The following MCF2L variants were observed in gnomAD, a reference collection of about 807,000 sequenced individuals.
MCF2L encodes the protein MCF.2 cell line derived transforming sequence like, also known as guanine nucleotide exchange factor DBS.
MCF2L carries 97 observed loss-of-function variants against 153.4 expected under a neutral mutation model. That is an observed-to-expected ratio of 0.63 (90% confidence interval 0.54 to 0.75). The LOEUF is 0.75. MCF2L is among the 30% of genes least tolerant of loss of function. MCF2L has a pLI of 0.00. For synonymous variants in MCF2L, 659 were observed against 632.2 expected (o/e 1.04, Z -0.64); for missense variants, 1,347 against 1,495.2 (o/e 0.90, Z 1.64).
At chr13:112,970,801 G>T (rs1334772138) in intron 1 of MCF2L, among the ~76,000 whole-genome samples, 2 of 152,102 alleles carry the variant, frequency 1.3e-5, no homozygotes, top group African/African-American at 4.8e-5. Context: ...TTGGAAAAAG[G>T]CTATCTCAGA....
At position 113,028,839 on chromosome 13, in the gene MCF2L, G is replaced by C. The variant is rs1268961654; in HGVS notation, c.278+4081G>C. ...TGTGAGCCTGTGGTGTGTGTGGGGT[G>C]AGTGTGTGGTGTGTGTGGCGTGTGC... On this transcript the variant is annotated intron_variant, in intron 3 of 29. Transcript: ENST00000535094. The surrounding 1 kb of genome is among the most constrained non-coding windows in gnomAD (Gnocchi z 5.4). Among the ~76,000 whole-genome samples, 1 of 151,700 alleles carries C rather than the reference G, an allele frequency of 6.6e-6. No individual in the cohort carries two copies. Among genetic ancestry groups the C allele is most frequent in the Non-Finnish European group, 1.5e-5 (1 of 67,888 alleles).
chr13:113,087,524 C>A, intron 22 of MCF2L, 68 bp downstream of exon 22: 2 of 1,374,078 alleles, frequency 1.5e-6, no homozygotes, highest in Non-Finnish European at 2.0e-6. Flanking sequence ...GTCTGTAACT[C>A]GGTCTGAGGT....
intron 1 of MCF2L, among the ~76,000 whole-genome samples, chr13:112,976,083 C>G (rs75065279): frequency 3.4e-3 from 511 of 151,992 alleles, no homozygotes; most frequent in East Asian, 0.025. Flanking sequence ...ATTGTTCCTT[C>G]TAAATTATGG....
intron 9 of MCF2L, among the ~76,000 whole-genome samples, chr13:113,071,927 T>C (rs974535992): frequency 1.3e-5 from 2 of 152,214 alleles, no homozygotes; most frequent in Non-Finnish European, 2.9e-5. Flanking sequence ...TTCATAGGAG[T>C]TGTGTTAAAC....
intron 16 of MCF2L, 86 bp downstream of exon 16, chr13:113,081,365 A>G: frequency 7.6e-7 from 1 of 1,314,974 alleles, no homozygotes; most frequent in Non-Finnish European, 1.0e-6. Flanking sequence ...TGCTGCTCGG[A>G]GCAGCCTGCT....
rs72104689 is a variant in MCF2L at position 112,972,359 on chromosome 13, G to GTGGATGGA, written c.79+2927_79+2934dup. 1.0e-2 allele frequency among the ~76,000 whole-genome samples: 1,369 copies of GTGGATGGA among 137,352 alleles called. 29 individuals are homozygous for GTGGATGGA. The highest frequency in any genetic ancestry group is 0.035 in the African/African-American group (1,245 of 35,328). The allele number at this position is 137,352 out of a possible 152,430, so 90.1% of individuals were successfully genotyped here. On this transcript the variant is annotated intron_variant, in intron 1 of 29. Coordinates refer to ENST00000535094, the MANE Select transcript of MCF2L (RefSeq NM_001112732.3). ...GATGGATGGATGGATGTGTAAGTGG[G>GTGGATGGA]TGGATGGATGGATGGATGGATGGAT...
chr13:113,057,986 G>A (rs369600107), intron 4 of MCF2L, among the ~76,000 whole-genome samples: 17 of 143,786 alleles, frequency 1.2e-4, no homozygotes, highest in East Asian at 4.4e-4. Context: ...GCTGAGTGTT[G>A]GGTGCTGAGT....
chr13:112,898,890 T>A (rs2081093423), intron 1 of MCF2L, among the ~76,000 whole-genome samples: 1 of 152,148 alleles, frequency 6.6e-6, no homozygotes, highest in Non-Finnish European at 1.5e-5. Flanking sequence ...GCCTGACTTC[T>A]CGCCACCTGC....
At chr13:112,972,642 G>C (rs1363888170) in intron 1 of MCF2L, among the ~76,000 whole-genome samples, 1 of 146,288 alleles carries the variant, frequency 6.8e-6, no homozygotes, top group Non-Finnish European at 1.5e-5. Flanking sequence ...GAATGAGTTG[G>C]TAGATAGATG....
Position 113,027,155 on chromosome 13 carries a change from A to G in MCF2L, c.278+2397A>G, listed in dbSNP as rs1209360885. 16 of 679,654 alleles carry G rather than the reference A, an allele frequency of 2.4e-5. No individual in the cohort carries two copies. The East Asian group carries it at 4.1e-4, about 17-fold the overall frequency. The allele number at this position is 679,654 out of a possible 1,614,324, so 42.1% of individuals were successfully genotyped here. The stretch of plus-strand genomic sequence containing the variant: ...TCAGCGTGAAAGTGCAGCCGTGGCC[A>G]TTACCGTGAAGGTTCTTCATTCTTC... On this transcript the variant is annotated intron_variant, in intron 3 of 29. Transcript: ENST00000535094. This position sits in a 1 kb window ranked among gnomAD's most constrained non-coding sequence, Gnocchi z 4.8.
At chr13:113,009,010 C>CGAAGCTCTGGAGA (rs2083903457) in intron 1 of MCF2L, 1 of 151,480 alleles carries the variant, frequency 6.6e-6, no homozygotes, top group Non-Finnish European at 1.5e-5. Flanking sequence ...GAGCGGAGAG[C>CGAAGCTCTGGAGA]GAAGCTCTGG....
chr13:112,979,357 C>T lies in MCF2L; in HGVS notation c.79+9899C>T, dbSNP rs1448454960. ...AGGCCCAGCGGCTGGGTTTCTCTAG[C>T]ACCTCGGCATTGTCTGCCTGCTCTT... On this transcript the variant is annotated intron_variant, in intron 1 of 29. Coordinates refer to ENST00000535094, the MANE Select transcript of MCF2L (RefSeq NM_001112732.3). 4 of 1,306,286 alleles carry T rather than the reference C, an allele frequency of 3.1e-6. No individual in the cohort carries two copies. In the East Asian group the frequency reaches 1.5e-4, roughly 48 times the overall value. The allele number at this position is 1,306,286 out of a possible 1,614,324, so 80.9% of individuals were successfully genotyped here.
Position 113,024,650 on chromosome 13 carries a change from G to T in MCF2L, c.170G>T (p.Arg57Leu). The change falls in exon 3 of 30, where the codon CGG (arginine) becomes CTG (leucine). Residue 57 changes from arginine (R) to leucine (L), a missense_variant. By Grantham distance (102) the Arg-to-Leu change is moderately radical (BLOSUM62 -2). Coordinates refer to ENST00000535094, the MANE Select transcript of MCF2L (RefSeq NM_001112732.3). ...GCCTCTGGTCTCTCCCCAGGTGGGC[G>T]GGGGCAGGACGGAAGCCCGGTTATC... ...KKRFAYLSGG[R>L]GQDGSPVITF... 6.2e-7 allele frequency: 1 copy of T among 1,611,928 alleles called. No individual in the cohort carries two copies. The highest frequency in any genetic ancestry group is 8.5e-7 in the Non-Finnish European group (1 of 1,178,162).
chr13:113,013,146 C>A (rs570156156), intron 1 of MCF2L, among the ~76,000 whole-genome samples: 1 of 152,182 alleles, frequency 6.6e-6, no homozygotes, highest in Non-Finnish European at 1.5e-5. Flanking sequence ...AGGCTGCCGT[C>A]GGCTGCACCA....
At chr13:113,021,889 C>T (rs1003097786) in intron 2 of MCF2L, among the ~76,000 whole-genome samples, 1 of 152,194 alleles carries the variant, frequency 6.6e-6, no homozygotes, top group Non-Finnish European at 1.5e-5. Context: ...TCAGAGATAC[C>T]CAGGGTAGCA....
At chr13:113,007,920 T>C (rs1238238720) in intron 1 of MCF2L, among the ~76,000 whole-genome samples, 2 of 146,738 alleles carry the variant, frequency 1.4e-5, no homozygotes, top group African/African-American at 5.1e-5. Context: ...CTTTTTCTTT[T>C]TTTTTTTTTT....
At chr13:113,080,871 C>T (rs1046935964) in intron 15 of MCF2L, among the ~76,000 whole-genome samples, 1 of 152,174 alleles carries the variant, frequency 6.6e-6, no homozygotes, top group African/African-American at 2.4e-5. Flanking sequence ...ATGACTTGCC[C>T]ATGAGCGTGA....
intron 1 of MCF2L, among the ~76,000 whole-genome samples, chr13:112,994,749 G>A (rs750104771): frequency 2.0e-5 from 3 of 152,182 alleles, no homozygotes; most frequent in Admixed American, 6.5e-5. Context: ...TCGCCGCTGC[G>A]GGCAGGACAT....
chr13:112,995,612 A>AC (rs1346931936), intron 1 of MCF2L, among the ~76,000 whole-genome samples: 2 of 150,966 alleles, frequency 1.3e-5, no homozygotes, highest in African/African-American at 4.9e-5. Context: ...GCCTGAAGTC[A>AC]CCCCCGGGAT....
Sources: allele counts gnomAD v4.1 joint callset (sites outside exome capture counted in the v4.1 genomes callset), GRCh38; gene constraint gnomAD v4.1.1; non-coding constraint Gnocchi (gnomAD v3.1); transcripts MANE v1.5; gene names NCBI Gene and HGNC (gene_info 2026-07-23, HGNC 2026-07-21).